LMTK3: variants seen among roughly 807,000 people sequenced by gnomAD.
The protein encoded by LMTK3 is lemur tail kinase 3.
A neutral mutation model predicts 116.7 loss-of-function variants in LMTK3; 27 were observed. The ratio of observed to expected loss-of-function variants is 0.23; its 90% CI spans 0.17 to 0.32. The LOEUF is 0.32. Ranked by LOEUF, LMTK3 falls within the 10% of genes least tolerant of loss-of-function variation. The pLI, the probability that LMTK3 is intolerant of heterozygous loss-of-function variation, is 1.00. For missense variants in LMTK3, 1,764 were observed against 2,068.5 expected (o/e 0.85, Z 2.86); for synonymous variants, 965 against 971.0 (o/e 0.99, Z 0.11).
At chr19:48,492,781 A>G (rs1010017299) in intron 12 of LMTK3, among the ~76,000 whole-genome samples, 4 of 151,834 alleles carry the variant, frequency 2.6e-5, no homozygotes, top group Non-Finnish European at 5.9e-5. Flanking sequence ...CCCATACTTG[A>G]CTACCCAGTA....
At position 48,500,055 on chromosome 19, in the gene LMTK3, C is replaced by T; in HGVS notation, c.1152-138G>A. 1.3e-6 allele frequency: 1 copy of T among 768,082 alleles called. No homozygotes were observed. The highest frequency in any genetic ancestry group is 2.0e-6 in the Non-Finnish European group (1 of 497,878). The allele number at this position is 768,082 out of a possible 1,614,324, so 47.6% of individuals were successfully genotyped here. A position where few individuals can be genotyped will look rare whatever the true frequency, so the allele number is the denominator to read the frequency against. ...GACCCAGAGAGAGGGGGACAGAGACCCAGAGAGAGGGGGACAGAGACCCAG... is the reference window on the plus strand; with the variant it reads ...GACCCAGAGAGAGGGGGACAGAGACTCAGAGAGAGGGGGACAGAGACCCAG... On this transcript the variant is annotated intron_variant, in intron 10 of 14. Coordinates refer to ENST00000600059, the MANE Select transcript of LMTK3 (RefSeq NM_001388485.1). This position sits in a 1 kb window ranked among gnomAD's most constrained non-coding sequence, Gnocchi z 4.0.
chr19:48,507,826 AG>A (rs1972595741), intron 5 of LMTK3, among the ~76,000 whole-genome samples: 1 of 152,190 alleles, frequency 6.6e-6, no homozygotes, highest in Non-Finnish European at 1.5e-5. Context: ...GCACAGGTTT[AG>A]GGAGAGACAG....
At chr19:48,496,903 C>G (rs1285656500) in intron 11 of LMTK3, among the ~76,000 whole-genome samples, 1 of 152,230 alleles carries the variant, frequency 6.6e-6, no homozygotes, top group East Asian at 1.9e-4. Flanking sequence ...TCGCCAACAC[C>G]AGGTGCACAT....
Position 48,502,429 on chromosome 19 carries a change from C to G in LMTK3, c.794+4G>C, listed in dbSNP as rs775196109. The G allele has an allele frequency of 1.7e-5, 27 of 1,609,766 alleles. 1 individual carries two copies. In the Admixed American group the frequency reaches 4.2e-4, roughly 25 times the overall value. ...CTCCTCCCGCGGCTCCCCGGCCCGCCCACCTGTGCACGTAGTTGTGGGAAT... is the reference window on the plus strand; with the variant it reads ...CTCCTCCCGCGGCTCCCCGGCCCGCGCACCTGTGCACGTAGTTGTGGGAAT... On this transcript the variant is annotated splice_donor_region_variant and intron_variant, in intron 7 of 14. Transcript: ENST00000600059.
At chr19:48,486,560 T>C (rs146386631) in intron 14 of LMTK3, among the ~76,000 whole-genome samples, 3,364 of 151,932 alleles carry the variant, frequency 0.022, 68 homozygotes, top group Middle Eastern at 0.14. Context: ...TGTTTTGAGA[T>C]GGAGTCTTGC....
rs1972423511 is a variant in LMTK3, at chr19:48,499,634, ACTC to A, written c.1432_1434del (p.Glu478del). The A allele has an allele frequency of 1.3e-6, 2 of 1,537,004 alleles. No homozygotes were observed. Reference sequence around the variant, plus strand: ...CCACGCCGGGCCTTCTCCCACAGGCACTCGAGGTTGAGGCCGCGGCTACTCTCG... The same window carrying A: ...CCACGCCGGGCCTTCTCCCACAGGCAGAGGTTGAGGCCGCGGCTACTCTCG... On this transcript the variant is annotated inframe_deletion, in exon 11 of 15. Coordinates refer to ENST00000600059, the MANE Select transcript of LMTK3 (RefSeq NM_001388485.1).
At chr19:48,510,717 G>A (rs1416680849) in intron 1 of LMTK3, 125 bp from the exon 2 acceptor site, 13 of 1,120,026 alleles carry the variant, frequency 1.2e-5, no homozygotes, top group South Asian at 9.0e-5. Context: ...GGGTCCCTTG[G>A]CAGAGGTGCA....
intron 7 of LMTK3, among the ~76,000 whole-genome samples, chr19:48,501,800 C>T (rs1162060180): frequency 6.6e-6 from 1 of 151,888 alleles, no homozygotes; most frequent in Non-Finnish European, 1.5e-5. Context: ...GGCTCCTCCT[C>T]TTATTCATCT....
intron 4 of LMTK3, 89 bp from the exon 5 acceptor site, chr19:48,509,058 C>T (rs1972614737): frequency 1.2e-6 from 1 of 825,598 alleles, no homozygotes; most frequent in African/African-American, 1.7e-5. Context: ...CAGCTCCCAA[C>T]CCCCGGCTCC....
intron 5 of LMTK3, among the ~76,000 whole-genome samples, chr19:48,505,498 G>C (rs1051605882): frequency 1.3e-5 from 2 of 152,158 alleles, no homozygotes; most frequent in Non-Finnish European, 2.9e-5. Context: ...GCCGAGGCAG[G>C]AGGATGGCTT....
intron 14 of LMTK3, 50 bp from the exon 15 acceptor site, chr19:48,485,839 C>A (rs756794974): frequency 3.2e-6 from 5 of 1,570,452 alleles, no homozygotes; most frequent in Admixed American, 1.8e-5. Flanking sequence ...GGGGGACAGC[C>A]TCATGGCTTC....
At chr19:48,503,481 C>T (rs1972508008) in intron 5 of LMTK3, among the ~76,000 whole-genome samples, 1 of 152,074 alleles carries the variant, frequency 6.6e-6, no homozygotes, top group African/African-American at 2.4e-5. Flanking sequence ...CCCAGGGACC[C>T]CTTTACCTCT....
Position 48,491,289 on chromosome 19 carries a change from G to A in LMTK3, c.4229-44C>T, listed in dbSNP as rs775378522. On this transcript the variant is annotated intron_variant, in intron 13 of 14. Transcript: ENST00000600059. The surrounding 1 kb of genome is among the most constrained non-coding windows in gnomAD (Gnocchi z 5.1). Reference sequence around the variant, plus strand: ...CCGCGGTCAGGCTGCAGACACCTGCGGCACTCCCGCCCTCTGGTCCCGCCC... The same window carrying A: ...CCGCGGTCAGGCTGCAGACACCTGCAGCACTCCCGCCCTCTGGTCCCGCCC... 6 of 1,359,942 alleles carry A rather than the reference G, an allele frequency of 4.4e-6. No homozygotes were observed. The highest frequency in any genetic ancestry group is 5.7e-6 in the Non-Finnish European group (6 of 1,053,632). 84.2% of individuals were successfully genotyped at this position (1,359,942 alleles called of 1,614,324 possible).
chr19:48,498,801 CGGGGG>C lies in LMTK3; in HGVS notation c.2263_2267del (p.Pro755AlafsTer783). 2.0e-5 allele frequency: 6 copies of C among 298,074 alleles called. No homozygotes were observed. Among genetic ancestry groups the C allele is most frequent in the Non-Finnish European group, 2.9e-5 (6 of 204,064 alleles). The allele number at this position is 298,074 out of a possible 1,614,324, so 18.5% of individuals were successfully genotyped here. ...CCGCGGGGGCCCGAGGAGGTGGCGGCGGGGGGGGGGGAGCGGGAGGTGGCCCCCGC... is the reference window on the plus strand; with the variant it reads ...CCGCGGGGGCCCGAGGAGGTGGCGGCGGGGGGAGCGGGAGGTGGCCCCCGC... On this transcript the variant is annotated frameshift_variant, in exon 11 of 15. Coordinates refer to ENST00000600059, the MANE Select transcript of LMTK3 (RefSeq NM_001388485.1). LOFTEE classifies it high-confidence loss of function.
chr19:48,486,930 A>G (rs994288977), intron 14 of LMTK3, among the ~76,000 whole-genome samples: 3 of 151,800 alleles, frequency 2.0e-5, no homozygotes, highest in Non-Finnish European at 2.9e-5. Context: ...CAGTGGCGCA[A>G]TCTTGACTTG....
At chr19:48,487,670 G>A (rs192254599) in intron 14 of LMTK3, among the ~76,000 whole-genome samples, 588 of 152,156 alleles carry the variant, frequency 3.9e-3, no homozygotes, top group Non-Finnish European at 6.2e-3. Context: ...TTCCCTGGGC[G>A]AGCAGAATGA....
Position 48,494,061 on chromosome 19 carries a change from GGCGTGA to G in LMTK3, c.3719_3724del (p.Leu1240_Thr1241del). The G allele has an allele frequency of 8.4e-7, 1 of 1,193,706 alleles. No individual in the cohort carries two copies. The highest frequency in any genetic ancestry group is 1.0e-6 in the Non-Finnish European group (1 of 962,430). The allele number at this position is 1,193,706 out of a possible 1,614,324, so 73.9% of individuals were successfully genotyped here. A position where few individuals can be genotyped will look rare whatever the true frequency, so the allele number is the denominator to read the frequency against. On this transcript the variant is annotated inframe_deletion, in exon 12 of 15. Coordinates refer to ENST00000600059, the MANE Select transcript of LMTK3 (RefSeq NM_001388485.1). This position sits in a 1 kb window ranked among gnomAD's most constrained non-coding sequence, Gnocchi z 4.0. The stretch of plus-strand genomic sequence containing the variant: ...CCGCCGCGGGCCCGGCCCCGGGAAT[GGCGTGA>G]GCGTGAGCGGCGGCAGCGCCAGCGA...
Position 48,498,834 on chromosome 19 carries a change from G to T in LMTK3, c.2235C>A (p.Pro745=). The T allele has an allele frequency of 1.6e-6, 2 of 1,234,928 alleles. No individual in the cohort carries two copies. The highest frequency in any genetic ancestry group is 2.1e-6 in the Non-Finnish European group (2 of 966,776). 76.5% of individuals were successfully genotyped at this position (1,234,928 alleles called of 1,614,324 possible). ...GGGGAGCGGGAGGTGGCCCCCGCCC[G>T]GGGTACTGGGGCGCCGCCGCCCCCA... The part of the protein sequence containing the change: ...PLMGAAAPQY[P]GRGPPPAPPP... The change falls in exon 11 of 15, where the codon CCC becomes CCA. Residue 745 remains proline (P), a synonymous_variant. Transcript: ENST00000600059.
intron 5 of LMTK3, among the ~76,000 whole-genome samples, chr19:48,505,452 T>TGAG (rs1972552065): frequency 6.6e-6 from 1 of 152,138 alleles, no homozygotes; most frequent in African/African-American, 2.4e-5. Flanking sequence ...TGGCTTGGTC[T>TGAG]GGTGGCTCTC....
Sources: gnomAD v4.1 joint callset for allele counts (sites outside exome capture counted in the v4.1 genomes callset) on GRCh38, gnomAD v4.1.1 for gene constraint, Gnocchi (gnomAD v3.1) non-coding constraint, MANE v1.5 for transcripts, NCBI Gene and HGNC (gene_info 2026-07-23, HGNC 2026-07-21) for gene names.